GRM8: variants seen among roughly 807,000 people sequenced by gnomAD.
GRM8 encodes the protein glutamate metabotropic receptor 8, also known as metabotropic glutamate receptor 8.
In GRM8, 47 loss-of-function variants were observed where a neutral mutation model predicts 87.2. The ratio of observed to expected loss-of-function variants is 0.54; its 90% confidence interval spans 0.43 to 0.69. The LOEUF is 0.69. Among genes scored for constraint, GRM8 ranks in the 30% least tolerant of loss-of-function variants. The pLI, the probability that GRM8 is intolerant of heterozygous loss-of-function variation, is 0.00. For synonymous variants in GRM8, 396 were observed against 404.5 expected (o/e 0.98, Z 0.25); for missense variants, 1,019 against 1,139.2 (o/e 0.89, Z 1.52).
At chr7:126,868,170 A>C (rs1798769641) in intron 6 of GRM8, among the ~76,000 whole-genome samples, 1 of 152,154 alleles carries the variant, frequency 6.6e-6, no homozygotes, top group Non-Finnish European at 1.5e-5. Flanking sequence ...AGCCAGACCC[A>C]CTGGGCCACA....
intron 6 of GRM8, among the ~76,000 whole-genome samples, chr7:126,790,299 C>A (rs1373573686): frequency 6.6e-6 from 1 of 152,186 alleles, no homozygotes; most frequent in African/African-American, 2.4e-5. Flanking sequence ...TGAGCCACCA[C>A]AAGTGGCCAA....
intron 6 of GRM8, among the ~76,000 whole-genome samples, chr7:126,792,834 A>G (rs1821509813): frequency 1.3e-5 from 2 of 152,200 alleles, no homozygotes; most frequent in African/African-American, 2.4e-5. Flanking sequence ...AACCATCAGT[A>G]TGGTGACTGG....
At chr7:127,163,307 C>T (rs1474549633) in intron 2 of GRM8, among the ~76,000 whole-genome samples, 2 of 152,092 alleles carry the variant, frequency 1.3e-5, no homozygotes. Context: ...AAAGGACTTG[C>T]CAGGGATGAG....
chr7:126,775,883 T>C (rs1819418949), intron 6 of GRM8, among the ~76,000 whole-genome samples: 1 of 152,096 alleles, frequency 6.6e-6, no homozygotes, highest in Non-Finnish European at 1.5e-5. Flanking sequence ...TCCAGCTTCA[T>C]CTGCTGCACC....
intron 7 of GRM8, among the ~76,000 whole-genome samples, chr7:126,737,533 G>A (rs79305916): frequency 0.024 from 3,572 of 151,914 alleles, 145 homozygotes; most frequent in African/African-American, 0.081. Context: ...TAATTCCCCC[G>A]TCTTGATAAA....
chr7:126,972,174 CAAT>C (rs2131780094), intron 3 of GRM8, among the ~76,000 whole-genome samples: 1 of 152,242 alleles, frequency 6.6e-6, no homozygotes, highest in Non-Finnish European at 1.5e-5. Context: ...GAAAAAACAA[CAAT>C]AAGACATCTA....
chr7:126,957,668 C>T (rs1586592967), intron 3 of GRM8, among the ~76,000 whole-genome samples: 1 of 152,334 alleles, frequency 6.6e-6, no homozygotes, highest in East Asian at 1.9e-4. Flanking sequence ...CTGCCTCAGC[C>T]CCCTCTGGAC....
intron 6 of GRM8, among the ~76,000 whole-genome samples, chr7:126,793,569 C>G (rs554951462): frequency 6.6e-6 from 1 of 152,070 alleles, no homozygotes; most frequent in Non-Finnish European, 1.5e-5. Context: ...AGTTTCTCTG[C>G]GAGGATTTAC....
intron 3 of GRM8, among the ~76,000 whole-genome samples, chr7:127,008,154 T>C (rs919591501): frequency 6.6e-6 from 1 of 152,050 alleles, no homozygotes; most frequent in African/African-American, 2.4e-5. Flanking sequence ...TGGCAGAGGC[T>C]TTAAATAGGT....
intron 9 of GRM8, among the ~76,000 whole-genome samples, chr7:126,523,967 G>A (rs750186935): frequency 5.9e-5 from 9 of 152,048 alleles, no homozygotes; most frequent in East Asian, 3.9e-4. Flanking sequence ...TTCTAACAAC[G>A]TAATATCAAT....
chr7:126,515,697 T>A (rs1812073094), intron 9 of GRM8, among the ~76,000 whole-genome samples: 1 of 152,068 alleles, frequency 6.6e-6, no homozygotes, highest in African/African-American at 2.4e-5. Flanking sequence ...CCTTCCATCT[T>A]CAAAGCCAGC....
intron 3 of GRM8, among the ~76,000 whole-genome samples, chr7:126,948,421 G>C (rs946703319): frequency 1.3e-5 from 2 of 148,430 alleles, no homozygotes; most frequent in Non-Finnish European, 3.0e-5. Flanking sequence ...TAAGCAGCTG[G>C]ATATGCTTCC....
intron 6 of GRM8, among the ~76,000 whole-genome samples, chr7:126,858,796 C>T (rs914195312): frequency 6.6e-6 from 1 of 152,184 alleles, no homozygotes; most frequent in Non-Finnish European, 1.5e-5. Context: ...GGAACACTTA[C>T]ATTTTATGGA....
chr7:126,843,629 G>A (rs1796465153), intron 6 of GRM8, among the ~76,000 whole-genome samples: 3 of 152,122 alleles, frequency 2.0e-5, no homozygotes, highest in Admixed American at 2.0e-4. Context: ...GTGAGGAGGT[G>A]GATTAGGCAT....
chr7:126,527,326 C>G (rs1814012452), intron 9 of GRM8, among the ~76,000 whole-genome samples: 1 of 152,076 alleles, frequency 6.6e-6, no homozygotes, highest in African/African-American at 2.4e-5. Context: ...CCACTGCACT[C>G]CAGCCTGGGC....
intron 2 of GRM8, among the ~76,000 whole-genome samples, chr7:127,109,200 C>A (rs1353047033): frequency 8.6e-5 from 13 of 150,636 alleles, no homozygotes; most frequent in Admixed American, 6.6e-4. Context: ...AGAAACACAG[C>A]AATGGAAAAA....
At chr7:127,237,509 A>C (rs17868404) in intron 2 of GRM8, among the ~76,000 whole-genome samples, 1 of 152,248 alleles carries the variant, frequency 6.6e-6, no homozygotes, top group East Asian at 1.9e-4. Context: ...ATATCTTCAT[A>C]AACATAGCAG....
At chr7:126,627,411 T>C (rs539510485) in intron 7 of GRM8, among the ~76,000 whole-genome samples, 1 of 152,364 alleles carries the variant, frequency 6.6e-6, no homozygotes, top group South Asian at 2.1e-4. Context: ...TCAGAAACCG[T>C]TGCAAATTCT....
At chr7:126,759,715 C>T (rs953420896) in intron 7 of GRM8, among the ~76,000 whole-genome samples, 3 of 152,148 alleles carry the variant, frequency 2.0e-5, no homozygotes, top group Non-Finnish European at 2.9e-5. Context: ...TCAGTCCCAA[C>T]CCACTCATCT....
Sources: allele counts gnomAD v4.1 joint callset (sites outside exome capture counted in the v4.1 genomes callset), GRCh38; gene constraint gnomAD v4.1.1; transcripts MANE v1.5; gene names NCBI Gene and HGNC (gene_info 2026-07-23, HGNC 2026-07-21).